The following SLC35F1 variants were observed in gnomAD, a reference collection of about 807,000 sequenced individuals.
SLC35F1 encodes the protein chromosome 6 open reading frame 169.
Under a neutral mutation model 48.7 loss-of-function variants are expected in SLC35F1, and 14 were observed. The ratio of observed to expected loss-of-function variants is 0.29; its 90% CI spans 0.19 to 0.45. SLC35F1 has a LOEUF of 0.45. Ranked by LOEUF, SLC35F1 falls within the 20% of genes least tolerant of loss-of-function variation. The pLI is 1.00. For missense variants in SLC35F1, 404 were observed against 500.0 expected, an observed-to-expected ratio of 0.81 and a Z score of 1.83; for synonymous variants, 190 against 202.2, an observed-to-expected ratio of 0.94 and a Z score of 0.51.
At chr6:118,146,092 G>T (rs1773968929) in intron 1 of SLC35F1, among the ~76,000 whole-genome samples, 1 of 152,146 alleles carries the variant, frequency 6.6e-6, no homozygotes, top group Non-Finnish European at 1.5e-5. Flanking sequence ...CATCCAGCAT[G>T]CCTCCCTCAG....
chr6:118,039,809 T>G (rs962731950), intron 1 of SLC35F1, among the ~76,000 whole-genome samples: 2 of 137,170 alleles, frequency 1.5e-5, no homozygotes, highest in African/African-American at 5.6e-5. Context: ...GTTTTTTTTG[T>G]TTTTTTTTTT....
intron 1 of SLC35F1, among the ~76,000 whole-genome samples, chr6:117,957,171 C>T (rs1582584919): frequency 2.6e-5 from 4 of 152,252 alleles, no homozygotes. Flanking sequence ...CTGGGTAAAA[C>T]AAATATTTAT....
chr6:118,123,456 A>G (rs1332777539), intron 1 of SLC35F1, among the ~76,000 whole-genome samples: 1 of 152,138 alleles, frequency 6.6e-6, no homozygotes, highest in African/African-American at 2.4e-5. Flanking sequence ...GTTACCATGG[A>G]GATAGATTCT....
chr6:118,019,186 A>C (rs1055056563), intron 1 of SLC35F1, among the ~76,000 whole-genome samples: 1 of 150,486 alleles, frequency 6.6e-6, no homozygotes, highest in Non-Finnish European at 1.5e-5. Context: ...TTTTAGAATA[A>C]ATATATTAAA....
At chr6:118,087,644 C>CA (rs1351416138) in intron 1 of SLC35F1, among the ~76,000 whole-genome samples, 1 of 152,134 alleles carries the variant, frequency 6.6e-6, no homozygotes, top group Admixed American at 6.6e-5. Context: ...CCTACCTCTC[C>CA]AAAAAGCAGC....
At chr6:118,170,591 C>T (rs184765313) in intron 2 of SLC35F1, among the ~76,000 whole-genome samples, 1 of 152,082 alleles carries the variant, frequency 6.6e-6, no homozygotes, top group African/African-American at 2.4e-5. Context: ...AGGTGTGCAC[C>T]ACCATGCCCA....
intron 1 of SLC35F1, 30 bp downstream of exon 1, chr6:117,907,929 G>A: frequency 3.1e-6 from 4 of 1,302,028 alleles, no homozygotes; most frequent in Non-Finnish European, 3.9e-6. Flanking sequence ...GAGGGCGCGG[G>A]GGGCGGGGGC....
intron 1 of SLC35F1, among the ~76,000 whole-genome samples, chr6:117,957,923 A>C (rs756375532): frequency 4.6e-5 from 7 of 152,212 alleles, no homozygotes; most frequent in Admixed American, 2.6e-4. Context: ...TTAAAAAAAA[A>C]GTTAACTGTA....
At chr6:118,162,374 G>A (rs1326184477) in intron 2 of SLC35F1, among the ~76,000 whole-genome samples, 1 of 152,154 alleles carries the variant, frequency 6.6e-6, no homozygotes, top group Admixed American at 6.5e-5. Flanking sequence ...TGGGGTAGTG[G>A]TGGGAGGATA....
intron 1 of SLC35F1, among the ~76,000 whole-genome samples, chr6:118,073,387 G>A (rs1772770211): frequency 6.6e-6 from 1 of 151,978 alleles, no homozygotes; most frequent in African/African-American, 2.4e-5. Context: ...TTGTAAATAG[G>A]GTATACCTAT....
At chr6:118,113,493 G>A (rs1176274286) in intron 1 of SLC35F1, among the ~76,000 whole-genome samples, 2 of 152,022 alleles carry the variant, frequency 1.3e-5, no homozygotes, top group African/African-American at 4.8e-5. Flanking sequence ...GTGGGGGCTG[G>A]GGTTAATTGA....
intron 1 of SLC35F1, among the ~76,000 whole-genome samples, chr6:118,086,744 G>A (rs555091858): frequency 8.5e-5 from 13 of 152,188 alleles, no homozygotes; most frequent in South Asian, 4.2e-4. Flanking sequence ...TTTCTGACTC[G>A]TTAATTTCTG....
intron 2 of SLC35F1, among the ~76,000 whole-genome samples, chr6:118,227,895 T>C (rs993847608): frequency 2.0e-5 from 3 of 152,152 alleles, no homozygotes; most frequent in Admixed American, 2.0e-4. Context: ...AACACAAAGT[T>C]TCTTCTCTTG....
intron 1 of SLC35F1, among the ~76,000 whole-genome samples, chr6:118,039,168 T>G (rs1459054274): frequency 6.6e-6 from 1 of 152,180 alleles, no homozygotes. Flanking sequence ...TTCAGCGCTT[T>G]CAAGATGTTG....
At chr6:118,167,609 C>A (rs1774337739) in intron 2 of SLC35F1, among the ~76,000 whole-genome samples, 2 of 151,950 alleles carry the variant, frequency 1.3e-5, no homozygotes, top group East Asian at 3.9e-4. Flanking sequence ...AAAGTGTACA[C>A]CTATATAGAG....
At position 117,952,908 on chromosome 6, in the gene SLC35F1, A is replaced by T. The variant is rs536783043; in HGVS notation, c.173+45009A>T. Among the ~76,000 whole-genome samples the T allele has an allele frequency of 1.1e-3, 175 of 152,310 alleles. 5 individuals carry two copies. In the South Asian group the frequency reaches 0.035, roughly 31 times the overall value. ...TGAAGTCATCTAGTTTCTGGTTTTC[A>T]ACAAAAAATTATTTCAAACAAAATA... is the stretch of plus-strand genomic sequence containing the variant. On this transcript the variant is annotated intron_variant, in intron 1 of 7. Coordinates refer to ENST00000360388, the MANE Select transcript of SLC35F1 (RefSeq NM_001029858.4).
At chr6:118,142,315 A>G (rs566609095) in intron 1 of SLC35F1, among the ~76,000 whole-genome samples, 1 of 152,264 alleles carries the variant, frequency 6.6e-6, no homozygotes, top group Admixed American at 6.5e-5. Context: ...CATATATAAG[A>G]TACACATATA....
Position 118,154,622 on chromosome 6 carries a change from TA to T in SLC35F1, c.349+4del. ...CCACCACACTAGCCGTCAGACAAGG[TA>T]AGCTCACAAAAGCACCAGGAATATA... is the stretch of plus-strand genomic sequence containing the variant. On this transcript the variant is annotated splice_donor_region_variant and intron_variant, in intron 2 of 7. Coordinates refer to ENST00000360388, the MANE Select transcript of SLC35F1 (RefSeq NM_001029858.4). The T allele has an allele frequency of 1.9e-6, 3 of 1,604,460 alleles. No homozygotes were observed. Among genetic ancestry groups the T allele is most frequent in the Non-Finnish European group, 2.6e-6 (3 of 1,175,122 alleles).
chr6:117,931,272 T>C (rs1403529994), intron 1 of SLC35F1, among the ~76,000 whole-genome samples: 1 of 152,216 alleles, frequency 6.6e-6, no homozygotes. Context: ...CTTGCTCCTT[T>C]TTATTTTATT....
Sources: gnomAD v4.1 joint callset for allele counts (sites outside exome capture counted in the v4.1 genomes callset) on GRCh38, gnomAD v4.1.1 for gene constraint, MANE v1.5 for transcripts, NCBI Gene and HGNC (gene_info 2026-07-23, HGNC 2026-07-21) for gene names.